The following SGK3 variants were observed in gnomAD, a reference collection of about 807,000 sequenced individuals.
The protein encoded by SGK3 is serine/threonine-protein kinase Sgk3.
Under a neutral mutation model 68.5 loss-of-function variants are expected in SGK3, and 47 were observed. The ratio of observed to expected loss-of-function variants is 0.69; its 90% CI spans 0.54 to 0.87. The LOEUF (loss-of-function observed/expected upper bound fraction) is 0.87, where lower values mean the gene tolerates loss of function less well. Among genes scored for constraint, SGK3 ranks in the 40% least tolerant of loss-of-function variants. The pLI is 0.00. For synonymous variants in SGK3, 181 were observed against 189.1 expected, an observed-to-expected ratio of 0.96 and a Z score of 0.35; for missense variants, 479 against 575.5, an observed-to-expected ratio of 0.83 and a Z score of 1.72.
chr8:66,818,568 ATC>A (rs1226127620), intron 5 of SGK3, among the ~76,000 whole-genome samples: 3 of 152,176 alleles, frequency 2.0e-5, no homozygotes, highest in African/African-American at 7.2e-5. Context: ...TCCTCTTTCA[ATC>A]TCTGTTTCTT....
At chr8:66,846,938 A>G (rs1032963198) in intron 14 of SGK3, among the ~76,000 whole-genome samples, 40 of 152,218 alleles carry the variant, frequency 2.6e-4, no homozygotes, top group African/African-American at 9.4e-4. Context: ...CAAGTTGTAT[A>G]TAATTTAACA....
chr8:66,803,226 A>G (rs1264563432), intron 3 of SGK3, among the ~76,000 whole-genome samples: 1 of 152,076 alleles, frequency 6.6e-6, no homozygotes, highest in Non-Finnish European at 1.5e-5. Context: ...TTCAGTCTGC[A>G]TTTTACTGAC....
At chr8:66,764,507 G>A (rs1806260370) in intron 1 of SGK3, among the ~76,000 whole-genome samples, 1 of 152,088 alleles carries the variant, frequency 6.6e-6, no homozygotes, top group Non-Finnish European at 1.5e-5. Flanking sequence ...CCTCACTCCA[G>A]TTGCCCAGGC....
chr8:66,734,228 CTTTTTT>C (rs529741200), intron 1 of SGK3, among the ~76,000 whole-genome samples: 2 of 104,232 alleles, frequency 1.9e-5, no homozygotes, highest in African/African-American at 3.4e-5. Context: ...CTTTTTCTTT[CTTTTTT>C]TTTTTTTTTT....
chr8:66,835,746 A>G lies in SGK3; in HGVS notation c.526-17A>G, dbSNP rs768220218. 2.0e-5 allele frequency: 32 copies of G among 1,606,392 alleles called. 2 individuals carry two copies. In the East Asian group the frequency reaches 4.2e-4, roughly 21 times the overall value. The stretch of plus-strand genomic sequence containing the variant: ...TTGAAATTTCTAATAGTATACACTA[A>G]TGTTTAACTATAACAGGTTCTTCTT... On this transcript the variant is annotated splice_polypyrimidine_tract_variant and intron_variant, in intron 8 of 16. Transcript: ENST00000521198.
chr8:66,835,702 G>C lies in SGK3; in HGVS notation c.526-61G>C, dbSNP rs183669991. 4.1e-4 allele frequency: 625 copies of C among 1,535,668 alleles called. 1 individual carries two copies. Among genetic ancestry groups the C allele is most frequent in the Non-Finnish European group, 5.3e-4 (596 of 1,133,324 alleles). On this transcript the variant is annotated intron_variant, in intron 8 of 16. Coordinates refer to ENST00000521198, the MANE Select transcript of SGK3 (RefSeq NM_001033578.3). ...AAGAAGTATTGATGTGTTGACAAGT[G>C]AATTATTTCTATCAAAATTTGAAAT...
chr8:66,728,319 C>A (rs2130358370), intron 1 of SGK3, among the ~76,000 whole-genome samples: 1 of 151,018 alleles, frequency 6.6e-6, no homozygotes, highest in Non-Finnish European at 1.5e-5. Flanking sequence ...GCATGTGGTA[C>A]TTCATTTCTT....
chr8:66,771,169 G>A (rs1240195345), intron 1 of SGK3, among the ~76,000 whole-genome samples: 1 of 151,352 alleles, frequency 6.6e-6, no homozygotes, highest in South Asian at 2.1e-4. Context: ...TTGAGGAGAG[G>A]TAGAGAAAAG....
chr8:66,790,791 G>T (rs915988276), intron 1 of SGK3: 1 of 152,124 alleles, frequency 6.6e-6, no homozygotes, highest in Non-Finnish European at 1.5e-5. Context: ...TGGACTATGA[G>T]CACTCTCCAC....
At chr8:66,814,627 TG>T (rs1808506203) in intron 5 of SGK3, among the ~76,000 whole-genome samples, 1 of 152,164 alleles carries the variant, frequency 6.6e-6, no homozygotes, top group Admixed American at 6.5e-5. Context: ...CTGCTTCACT[TG>T]GGACAGTGTT....
At chr8:66,826,655 A>C (rs1809068647) in intron 6 of SGK3, among the ~76,000 whole-genome samples, 1 of 151,938 alleles carries the variant, frequency 6.6e-6, no homozygotes, top group Admixed American at 6.6e-5. Flanking sequence ...ATTTTATTTT[A>C]TTTTATTTTG....
chr8:66,840,320 T>C (rs887783867), intron 12 of SGK3, 73 bp downstream of exon 12: 12 of 1,348,616 alleles, frequency 8.9e-6, no homozygotes, highest in African/African-American at 1.5e-5. Flanking sequence ...GCAAAAAAAG[T>C]CTCAGAGATT....
chr8:66,821,265 T>G (rs569193482), intron 5 of SGK3, among the ~76,000 whole-genome samples: 2 of 152,222 alleles, frequency 1.3e-5, no homozygotes, highest in African/African-American at 4.8e-5. Flanking sequence ...ATATATGTCC[T>G]TATATGTCTG....
chr8:66,742,713 T>C (rs1019097196), intron 1 of SGK3, among the ~76,000 whole-genome samples: 17 of 152,196 alleles, frequency 1.1e-4, no homozygotes, highest in African/African-American at 4.1e-4. Flanking sequence ...AATTAATAAG[T>C]CAGTCTTTAT....
At chr8:66,834,351 A>G (rs1364918961) in intron 8 of SGK3, among the ~76,000 whole-genome samples, 1 of 152,234 alleles carries the variant, frequency 6.6e-6, no homozygotes, top group Non-Finnish European at 1.5e-5. Context: ...AAACAGGGCA[A>G]AAGTTATCTG....
At chr8:66,713,745 T>A (rs1196669987) in intron 1 of SGK3, among the ~76,000 whole-genome samples, 4 of 152,220 alleles carry the variant, frequency 2.6e-5, no homozygotes, top group Non-Finnish European at 4.4e-5. Flanking sequence ...ATCAAATTCT[T>A]AACTTATCAT....
intron 10 of SGK3, among the ~76,000 whole-genome samples, chr8:66,836,492 G>A (rs1809538288): frequency 6.6e-6 from 1 of 151,998 alleles, no homozygotes; most frequent in Admixed American, 6.6e-5. Context: ...CTCTGTGGTG[G>A]TAGCTTGGCT....
intron 4 of SGK3, among the ~76,000 whole-genome samples, chr8:66,809,760 A>G (rs1808305901): frequency 6.6e-6 from 1 of 152,234 alleles, no homozygotes; most frequent in African/African-American, 2.4e-5. Flanking sequence ...TCCTCGTACA[A>G]CTTCTGATGA....
rs139515814 is a variant in SGK3 at position 66,789,042 on chromosome 8, C to G, written c.-121-4574C>G. 9.7e-3 allele frequency among the ~76,000 whole-genome samples: 1,468 copies of G among 151,498 alleles called. 8 individuals carry two copies. Among genetic ancestry groups the G allele is most frequent in the Non-Finnish European group, 0.015 (1,039 of 67,956 alleles). On this transcript the variant is annotated intron_variant, in intron 1 of 16. Transcript: ENST00000521198. ...TTCATGCAATTTGCATCTCATTGTC[C>G]TTACTGATGGTGATAGAAAAGAAGG...
Sources: gnomAD v4.1 joint callset for allele counts (sites outside exome capture counted in the v4.1 genomes callset) on GRCh38, gnomAD v4.1.1 for gene constraint, MANE v1.5 for transcripts, NCBI Gene and HGNC (gene_info 2026-07-23, HGNC 2026-07-21) for gene names.